Variants in PDE1C observed in about 807,000 individuals in gnomAD.
PDE1C encodes phosphodiesterase 1C, also known as dual specificity calcium/calmodulin-dependent 3',5'-cyclic nucleotide phosphodiesterase 1C.
PDE1C carries 62 observed loss-of-function variants against 93.1 expected under a neutral mutation model. The observed-to-expected ratio is 0.67, with a 90% CI of 0.54 to 0.82. The LOEUF (loss-of-function observed/expected upper bound fraction) is 0.82, where lower values mean the gene tolerates loss of function less well. Among genes scored for constraint, PDE1C ranks in the 40% least tolerant of loss-of-function variants. The pLI is 0.00. For missense variants in PDE1C, 742 were observed against 884.6 expected (o/e 0.84, Z 2.04); for synonymous variants, 325 against 310.1 (o/e 1.05, Z -0.50).
chr7:31,738,357 C>CA, the PDE1C span, among the ~76,000 whole-genome samples: 1 of 152,166 alleles, frequency 6.6e-6, no homozygotes, highest in Non-Finnish European at 1.5e-5. Context: ...GAATGAGGAG[C>CA]AAGTCACATC....
At chr7:32,328,145 A>G (rs139081980) in intron 1 of PDE1C, among the ~76,000 whole-genome samples, 8 of 152,318 alleles carry the variant, frequency 5.3e-5, no homozygotes, top group African/African-American at 1.9e-4. Context: ...AAAATGGTTA[A>G]ATCATTTGCC....
At chr7:31,684,204 C>T in the PDE1C span, among the ~76,000 whole-genome samples, 146 of 152,180 alleles carry the variant, frequency 9.6e-4, 1 homozygote, top group African/African-American at 3.4e-3. Flanking sequence ...AACAACAGCC[C>T]GAACTTGGGA....
rs557232600 is a variant in PDE1C at position 32,130,196 on chromosome 7, C to T, written c.308+39589G>A. On this transcript the variant is annotated intron_variant, in intron 3 of 18. Transcript: ENST00000396193. ...ACCAACAGAAAAGTTATCCCTTTCG[C>T]ATTCAAAACAACTATCTTTCCCTCT... Among the ~76,000 whole-genome samples, 7 of 152,096 alleles carry T rather than the reference C, an allele frequency of 4.6e-5. No individual in the cohort carries two copies. The East Asian group carries it at 1.4e-3, about 29-fold the overall frequency.
chr7:31,768,368 C>T (rs1201741502), intron 17 of PDE1C, among the ~76,000 whole-genome samples: 1 of 152,144 alleles, frequency 6.6e-6, no homozygotes, highest in African/African-American at 2.4e-5. Flanking sequence ...GACTGACAAG[C>T]ATAATATCTG....
intron 1 of PDE1C, among the ~76,000 whole-genome samples, chr7:32,241,082 C>T (rs76635541): frequency 9.7e-4 from 147 of 152,124 alleles, no homozygotes; most frequent in African/African-American, 3.1e-3. Flanking sequence ...GGGAGAGGGC[C>T]GGACCAATTT....
At chr7:32,030,334 A>G (rs887126204) in intron 2 of PDE1C, among the ~76,000 whole-genome samples, 4 of 152,136 alleles carry the variant, frequency 2.6e-5, no homozygotes, top group Non-Finnish European at 5.9e-5. Flanking sequence ...TCAAAATTTA[A>G]TATATTGAAA....
intron 2 of PDE1C, among the ~76,000 whole-genome samples, chr7:32,174,145 G>A (rs1198372131): frequency 6.6e-6 from 1 of 152,054 alleles, no homozygotes; most frequent in Admixed American, 6.6e-5. Context: ...ATGAAGGTCT[G>A]GTTCTGGGAA....
chr7:32,005,624 A>AATT (rs1264813785), intron 2 of PDE1C, among the ~76,000 whole-genome samples: 1 of 151,066 alleles, frequency 6.6e-6, no homozygotes, highest in Non-Finnish European at 1.5e-5. Context: ...CCAGATCCAG[A>AATT]ATTTTAACTG....
intron 2 of PDE1C, among the ~76,000 whole-genome samples, chr7:31,901,399 A>AGT (rs1799964527): frequency 7.0e-6 from 1 of 141,890 alleles, no homozygotes; most frequent in Non-Finnish European, 1.6e-5. Flanking sequence ...TAACAGCCAA[A>AGT]GTATATATCT....
intron 2 of PDE1C, among the ~76,000 whole-genome samples, chr7:31,916,522 C>A (rs1405789620): frequency 6.6e-6 from 1 of 152,156 alleles, no homozygotes; most frequent in Non-Finnish European, 1.5e-5. Context: ...CATATGACAC[C>A]ATTTTCCTGG....
chr7:32,063,805 A>G (rs751595450), intron 1 of PDE1C, among the ~76,000 whole-genome samples: 10 of 152,236 alleles, frequency 6.6e-5, no homozygotes, highest in Admixed American at 5.2e-4. Context: ...TAGCGTCCAC[A>G]TCACTTAGTC....
the PDE1C span, among the ~76,000 whole-genome samples, chr7:31,688,126 C>T: frequency 6.6e-6 from 1 of 152,158 alleles, no homozygotes; most frequent in Non-Finnish European, 1.5e-5. Flanking sequence ...CCCTCACACT[C>T]ACGAAAATAT....
At chr7:31,805,168 T>C (rs1170917006) in intron 16 of PDE1C, among the ~76,000 whole-genome samples, 2 of 151,690 alleles carry the variant, frequency 1.3e-5, no homozygotes, top group African/African-American at 4.8e-5. Context: ...TCCTCAACCA[T>C]GTGGAACTGT....
At chr7:32,204,515 T>C (rs1805273979) in intron 2 of PDE1C, among the ~76,000 whole-genome samples, 1 of 152,152 alleles carries the variant, frequency 6.6e-6, no homozygotes, top group South Asian at 2.1e-4. Context: ...TGACAGAAGC[T>C]CTGTCCAATG....
chr7:31,712,536 A>G, the PDE1C span, among the ~76,000 whole-genome samples: 1 of 152,152 alleles, frequency 6.6e-6, no homozygotes, highest in African/African-American at 2.4e-5. Context: ...TTCCCTGTCC[A>G]TCAAATCCTC....
intron 2 of PDE1C, among the ~76,000 whole-genome samples, chr7:32,198,920 C>G (rs1216573714): frequency 1.3e-5 from 2 of 151,930 alleles, no homozygotes; most frequent in Non-Finnish European, 2.9e-5. Flanking sequence ...AGTTTGAGAC[C>G]AGCCTGGCCA....
chr7:32,365,921 A>G (rs1784221951), intron 1 of PDE1C, among the ~76,000 whole-genome samples: 1 of 152,194 alleles, frequency 6.6e-6, no homozygotes, highest in Non-Finnish European at 1.5e-5. Context: ...ACACATTCCT[A>G]TGAATAACTC....
At chr7:31,950,269 T>C (rs1807186887) in intron 2 of PDE1C, among the ~76,000 whole-genome samples, 1 of 152,174 alleles carries the variant, frequency 6.6e-6, no homozygotes, top group Admixed American at 6.5e-5. Flanking sequence ...CTACTCCCAA[T>C]GGGCTTATGA....
intron 3 of PDE1C, among the ~76,000 whole-genome samples, chr7:32,149,904 G>T (rs1433066210): frequency 6.6e-6 from 1 of 152,152 alleles, no homozygotes; most frequent in African/African-American, 2.4e-5. Context: ...CCCCATTGTG[G>T]GTAATGAAGC....
Sources: allele counts gnomAD v4.1 joint callset (sites outside exome capture counted in the v4.1 genomes callset), GRCh38; gene constraint gnomAD v4.1.1; transcripts MANE v1.5; gene names NCBI Gene and HGNC (gene_info 2026-07-23, HGNC 2026-07-21).